Variants in SYNJ1 observed in about 807,000 individuals in gnomAD.
The protein encoded by SYNJ1 is synaptojanin 1, also known as polyphosphatidylinositol phosphatase SYNJ1.
A neutral mutation model predicts 168.2 loss-of-function variants in SYNJ1; 78 were observed. The ratio of observed to expected loss-of-function variants is 0.46; its 90% CI spans 0.39 to 0.56. The LOEUF is 0.56. Among genes scored for constraint, SYNJ1 ranks in the 20% least tolerant of loss-of-function variants. The pLI, the probability that SYNJ1 is intolerant of heterozygous loss-of-function variation, is 0.00. For synonymous variants in SYNJ1, 539 were observed against 548.6 expected (o/e 0.98, Z 0.24); for missense variants, 1,303 against 1,597.6 (o/e 0.82, Z 3.14).
intron 4 of SYNJ1, 110 bp from the exon 5 acceptor site, chr21:32,695,392 C>G (rs866459539): frequency 9.6e-7 from 1 of 1,043,164 alleles, no homozygotes; most frequent in Admixed American, 2.9e-5. Context: ...TTTAAAGGCA[C>G]AAACAACAAA....
chr21:32,674,326 G>A (rs983239672), intron 13 of SYNJ1, among the ~76,000 whole-genome samples: 8 of 152,156 alleles, frequency 5.3e-5, no homozygotes, highest in Non-Finnish European at 1.5e-5. Flanking sequence ...TTCCAATGAG[G>A]CCTTCTCTGA....
At chr21:32,710,699 T>A (rs1230934481) in intron 2 of SYNJ1, among the ~76,000 whole-genome samples, 1 of 152,096 alleles carries the variant, frequency 6.6e-6, no homozygotes, top group Non-Finnish European at 1.5e-5. Context: ...TGATTTGGAC[T>A]TTTATAAACT....
Position 32,643,457 on chromosome 21 carries a change from C to A in SYNJ1, c.3431G>T (p.Gly1144Val). 1 of 1,613,630 alleles carries A rather than the reference C, an allele frequency of 6.2e-7. No homozygotes were observed. ...SPAPTRKEFG[G>V]IGAPPSPGVA... ...CCCAGGACTGGGAGGGGCTCCAATA[C>A]CTTTTTAGAGAAAGAACAGAAACTA... is the stretch of plus-strand genomic sequence containing the variant. The change falls in exon 27 of 33, where the codon GGT (glycine) becomes GTT (valine). Residue 1144 changes from glycine (G) to valine (V), a missense_variant and splice_region_variant. This residue lies in a region of SYNJ1 where 383 missense variants were observed against 388.8 expected (regional missense o/e 0.99). Transcript: ENST00000674351.
At chr21:32,702,918 A>G (rs2042461050) in intron 2 of SYNJ1, among the ~76,000 whole-genome samples, 1 of 152,244 alleles carries the variant, frequency 6.6e-6, no homozygotes, top group African/African-American at 2.4e-5. Context: ...GTAGATACTT[A>G]TGACTGTCTC....
At chr21:32,639,588 G>T in intron 30 of SYNJ1, 83 bp downstream of exon 30, 2 of 1,045,056 alleles carry the variant, frequency 1.9e-6, no homozygotes, top group South Asian at 1.3e-5. Context: ...TTTTACAGGC[G>T]GGTCTCACTA....
At position 32,666,093 on chromosome 21, in the gene SYNJ1, T is replaced by G. The variant is rs2040918166; in HGVS notation, c.1995A>C (p.Ala665=). The stretch of plus-strand genomic sequence containing the variant: ...TTGCAACTGCTCCCTTATTTCCAGT[T>G]GCACCTCCCATTCCAGTCTTCACAG... ...VDTVKTGMGG[A]TGNKGAVAIR... is the part of the protein sequence containing the mutation. Residue 665 remains alanine, a synonymous_variant, in exon 17 of 33, where the codon GCA becomes GCC. Transcript: ENST00000674351. The G allele has an allele frequency of 6.2e-7, 1 of 1,613,550 alleles. No homozygotes were observed. Among genetic ancestry groups the G allele is most frequent in the Non-Finnish European group, 8.5e-7 (1 of 1,179,734 alleles).
intron 2 of SYNJ1, among the ~76,000 whole-genome samples, chr21:32,714,802 C>G (rs956170927): frequency 6.6e-6 from 1 of 152,188 alleles, no homozygotes; most frequent in Non-Finnish European, 1.5e-5. Flanking sequence ...AATGATCTAC[C>G]TGATGCAAAC....
At position 32,676,359 on chromosome 21, in the gene SYNJ1, T is replaced by C. The variant is rs533995497; in HGVS notation, c.1511-4A>G. Reference sequence around the variant, plus strand: ...GACTGTAATGTCTGCTCAGAAACTATGGATGCAACAAGAAGAAAACAAAGA... The same window carrying C: ...GACTGTAATGTCTGCTCAGAAACTACGGATGCAACAAGAAGAAAACAAAGA... On this transcript the variant is annotated splice_polypyrimidine_tract_variant and splice_region_variant and intron_variant, in intron 12 of 32. Transcript: ENST00000674351. 32 of 1,606,910 alleles carry C rather than the reference T, an allele frequency of 2.0e-5. No homozygotes were observed. In the East Asian group the frequency reaches 3.4e-4, roughly 17 times the overall value.
chr21:32,656,991 G>C lies in SYNJ1; in HGVS notation c.2579+12C>G. The C allele has an allele frequency of 6.2e-7, 1 of 1,612,170 alleles. No homozygotes were observed. Among genetic ancestry groups the C allele is most frequent in the Non-Finnish European group, 8.5e-7 (1 of 1,179,258 alleles). ...TTTCAAACACTATTAGAAAAACTGA[G>C]ACTGCTTAAACCTGTGGTCAGAAGT... On this transcript the variant is annotated intron_variant, in intron 20 of 32. Coordinates refer to ENST00000674351, the MANE Select transcript of SYNJ1 (RefSeq NM_203446.3).
At chr21:32,637,404 TTC>T (rs2039620959) in intron 31 of SYNJ1, among the ~76,000 whole-genome samples, 2 of 141,560 alleles carry the variant, frequency 1.4e-5, no homozygotes, top group Non-Finnish European at 1.5e-5. Flanking sequence ...TTTTTCTTTT[TTC>T]TTTTTTTTTT....
At chr21:32,691,554 T>C (rs1442282042) in intron 6 of SYNJ1, among the ~76,000 whole-genome samples, 1 of 152,234 alleles carries the variant, frequency 6.6e-6, no homozygotes, top group Non-Finnish European at 1.5e-5. Context: ...CTGAGTATTA[T>C]AAGTTATAAA....
At position 32,631,022 on chromosome 21, in the gene SYNJ1, T is replaced by C. The variant is rs1222519292; in HGVS notation, c.*783A>G. The C allele has an allele frequency of 1.9e-5, 31 of 1,613,726 alleles. No homozygotes were observed. Among genetic ancestry groups the C allele is most frequent in the Non-Finnish European group, 2.5e-5 (30 of 1,179,882 alleles). ...ATCTTTCTGTAAAGTCCAGTGTGGGTGAAGCCTTAGAGGCCAAGGTCGTGA... is the reference window on the plus strand; with the variant it reads ...ATCTTTCTGTAAAGTCCAGTGTGGGCGAAGCCTTAGAGGCCAAGGTCGTGA... On this transcript the variant is annotated 3_prime_UTR_variant, in exon 33 of 33. Transcript: ENST00000674351.
intron 22 of SYNJ1, 37 bp from the exon 23 acceptor site, chr21:32,650,383 A>G: frequency 6.4e-7 from 1 of 1,554,076 alleles, no homozygotes; most frequent in Non-Finnish European, 8.7e-7. Flanking sequence ...AAAGATTAAC[A>G]TGAAAGCTAA....
chr21:32,646,369 A>G lies in SYNJ1; in HGVS notation c.3247+24T>C, dbSNP rs369962684. On this transcript the variant is annotated intron_variant, in intron 24 of 32. Coordinates refer to ENST00000674351, the MANE Select transcript of SYNJ1 (RefSeq NM_203446.3). ...GCACATTGGCCACAGGAAGCCATAC[A>G]AAACTTTCAAATAAAATGCATACTC... The G allele has an allele frequency of 1.4e-5, 23 of 1,607,676 alleles. No individual in the cohort carries two copies. In the African/African-American group the frequency reaches 3.1e-4, roughly 21 times the overall value.
intron 4 of SYNJ1, among the ~76,000 whole-genome samples, chr21:32,696,272 C>T (rs13339977): frequency 0.032 from 4,839 of 152,282 alleles, 114 homozygotes; most frequent in African/African-American, 0.068. Context: ...GGTTTATCAT[C>T]GCTCCAAATA....
In SYNJ1 at chr21:32,722,203, A is replaced by ATAT. The variant is rs1214320010; in HGVS notation, c.124+4568_124+4569insATA. ...TCCATCTCAAAGAAAAAAAAAAAAA[A>ATAT]AAATATATATATATATATATATATA... On this transcript the variant is annotated intron_variant, in intron 2 of 32. Coordinates refer to ENST00000674351, the MANE Select transcript of SYNJ1 (RefSeq NM_203446.3). Among the ~76,000 whole-genome samples the ATAT allele has an allele frequency of 1.2e-3, 104 of 88,654 alleles. 1 individual carries two copies. The highest frequency in any genetic ancestry group is 4.7e-3 in the South Asian group (13 of 2,760). The allele number at this position is 88,654 out of a possible 152,430, so 58.2% of individuals were successfully genotyped here. A position where few individuals can be genotyped will look rare whatever the true frequency, so the allele number is the denominator to read the frequency against.
Position 32,645,627 on chromosome 21 carries a change from G to T in SYNJ1, c.3391+19C>A. 6.6e-7 allele frequency: 1 copy of T among 1,515,776 alleles called. No homozygotes were observed. 93.9% of individuals were successfully genotyped at this position (1,515,776 alleles called of 1,614,324 possible). A position where few individuals can be genotyped will look rare whatever the true frequency, so the allele number is the denominator to read the frequency against. On this transcript the variant is annotated intron_variant, in intron 25 of 32. Transcript: ENST00000674351. Reference sequence around the variant, plus strand: ...GAAGAATTTTACATCTAGCAGAAATGGAAATAAAAGGTTGTCACCTGAAGG... The same window carrying T: ...GAAGAATTTTACATCTAGCAGAAATTGAAATAAAAGGTTGTCACCTGAAGG...
chr21:32,633,231 T>G (rs1009978886), intron 32 of SYNJ1, among the ~76,000 whole-genome samples: 4 of 152,196 alleles, frequency 2.6e-5, no homozygotes, highest in African/African-American at 9.7e-5. Context: ...CCCTTCTATG[T>G]GACAGAGTTG....
rs1388994573 is a variant in SYNJ1 at position 32,665,172 on chromosome 21, CCT to C, written c.2146-103_2146-102del. On this transcript the variant is annotated intron_variant, in intron 17 of 32. Coordinates refer to ENST00000674351, the MANE Select transcript of SYNJ1 (RefSeq NM_203446.3). ...GAGATATGCTTGTCTCCTCCCATGT[CCT>C]GTTTCTTTGACCCAACAGTAATAAC... The C allele has an allele frequency of 1.6e-5, 20 of 1,244,124 alleles. No homozygotes were observed. In the African/African-American group the frequency reaches 2.9e-4, roughly 18 times the overall value. 77.1% of individuals were successfully genotyped at this position (1,244,124 alleles called of 1,614,324 possible).
Sources: allele counts gnomAD v4.1 joint callset (sites outside exome capture counted in the v4.1 genomes callset), GRCh38; gene constraint gnomAD v4.1.1; regional missense constraint gnomAD v4.1.1; transcripts MANE v1.5; gene names NCBI Gene and HGNC (gene_info 2026-07-23, HGNC 2026-07-21).